VTI1A: variants seen among roughly 807,000 people sequenced by gnomAD.
VTI1A encodes the protein vesicle transport through interaction with t-SNAREs 1A, also known as vesicle transport through interaction with t-SNAREs homolog 1A.
In VTI1A, 22 loss-of-function variants were observed where a neutral mutation model predicts 34.9. The observed-to-expected ratio is 0.63, with a 90% CI of 0.45 to 0.90. VTI1A has a LOEUF of 0.90. Among genes scored for constraint, VTI1A ranks in the 40% least tolerant of loss-of-function variants. The pLI, the probability that VTI1A is intolerant of heterozygous loss-of-function variation, is 0.00. For synonymous variants in VTI1A, 87 were observed against 97.3 expected, an observed-to-expected ratio of 0.89 and a Z score of 0.62; for missense variants, 268 against 275.6, an observed-to-expected ratio of 0.97 and a Z score of 0.20.
the VTI1A span, among the ~76,000 whole-genome samples, chr10:112,848,446 C>G: frequency 6.6e-6 from 1 of 152,214 alleles, no homozygotes; most frequent in Non-Finnish European, 1.5e-5. Context: ...GACACAGTCC[C>G]TGGCAAATGA....
intron 3 of VTI1A, among the ~76,000 whole-genome samples, chr10:112,483,350 A>G (rs867364431): frequency 6.6e-6 from 1 of 152,202 alleles, no homozygotes. Context: ...TTGCACGACA[A>G]TGAATATTAA....
chr10:112,741,565 T>C (rs1354460507), intron 7 of VTI1A, among the ~76,000 whole-genome samples: 1 of 152,218 alleles, frequency 6.6e-6, no homozygotes, highest in Non-Finnish European at 1.5e-5. Flanking sequence ...TCTTAAATTT[T>C]ACCCTTTAAA....
At chr10:112,770,487 C>G (rs1260967086) in intron 7 of VTI1A, among the ~76,000 whole-genome samples, 4 of 151,790 alleles carry the variant, frequency 2.6e-5, no homozygotes, top group Non-Finnish European at 4.4e-5. Context: ...GCTCCGCCTC[C>G]CAGGTTCACG....
intron 7 of VTI1A, among the ~76,000 whole-genome samples, chr10:112,771,474 G>A (rs1042169734): frequency 6.6e-5 from 10 of 152,244 alleles, no homozygotes; most frequent in Non-Finnish European, 1.2e-4. Flanking sequence ...CAGCAAAACA[G>A]CTGTGCAAGA....
chr10:112,701,389 G>A lies in VTI1A; in HGVS notation c.560+32391G>A, dbSNP rs550677290. Among the ~76,000 whole-genome samples, 9 of 152,256 alleles carry A rather than the reference G, an allele frequency of 5.9e-5. No individual in the cohort carries two copies. In the South Asian group the frequency reaches 1.9e-3, roughly 32 times the overall value. On this transcript the variant is annotated intron_variant, in intron 7 of 7. Transcript: ENST00000393077. ...AAGATCCCAGAGGGAAATTTAGGGG[G>A]GCTCTTCATTCTGTTTTGTCCTGAA... is the stretch of plus-strand genomic sequence containing the variant.
chr10:112,454,072 A>G (rs1245531803), intron 1 of VTI1A, among the ~76,000 whole-genome samples: 2 of 152,222 alleles, frequency 1.3e-5, no homozygotes, highest in Admixed American at 1.3e-4. Context: ...ATACCATGTT[A>G]CACAGGGTAG....
chr10:112,774,076 G>T (rs534160084), intron 7 of VTI1A, among the ~76,000 whole-genome samples: 1 of 152,202 alleles, frequency 6.6e-6, no homozygotes, highest in South Asian at 2.1e-4. Context: ...TAGCTGCAGC[G>T]CAGGACACCT....
At chr10:112,624,185 A>G (rs1845834280) in intron 5 of VTI1A, among the ~76,000 whole-genome samples, 1 of 152,122 alleles carries the variant, frequency 6.6e-6, no homozygotes, top group South Asian at 2.1e-4. Context: ...GAGGCATCCC[A>G]TTTCTTTCAT....
At chr10:112,846,765 C>CAAAAAA in the VTI1A span, among the ~76,000 whole-genome samples, 1 of 60,624 alleles carries the variant, frequency 1.6e-5, no homozygotes. Context: ...GACTCCGTCT[C>CAAAAAA]AAAAAAAAAA....
intron 7 of VTI1A, among the ~76,000 whole-genome samples, chr10:112,804,020 C>G (rs1229312021): frequency 6.6e-6 from 1 of 152,158 alleles, no homozygotes; most frequent in Non-Finnish European, 1.5e-5. Flanking sequence ...TGGCAGTGGC[C>G]GTGGTGCCCA....
rs7907352 is a variant in VTI1A at position 112,708,359 on chromosome 10, G to A, written c.560+39361G>A. Among the ~76,000 whole-genome samples the A allele has an allele frequency of 9.5e-3, 1,453 of 152,254 alleles. 24 individuals are homozygous for A. The highest frequency in any genetic ancestry group is 0.033 in the African/African-American group (1,365 of 41,538). On this transcript the variant is annotated intron_variant, in intron 7 of 7. Transcript: ENST00000393077. Reference sequence around the variant, plus strand: ...TACATGGGCATATTTATATAAACAGGGTTACAGGTCTGTGTAAAGAAGTTA... The same window carrying A: ...TACATGGGCATATTTATATAAACAGAGTTACAGGTCTGTGTAAAGAAGTTA...
At chr10:112,851,760 G>T in the VTI1A span, among the ~76,000 whole-genome samples, 1 of 152,276 alleles carries the variant, frequency 6.6e-6, no homozygotes, top group African/African-American at 2.4e-5. Flanking sequence ...TTGAACTTGA[G>T]AACTGTAGGG....
At chr10:112,674,366 G>T (rs572066420) in intron 7 of VTI1A, among the ~76,000 whole-genome samples, 17 of 152,150 alleles carry the variant, frequency 1.1e-4, no homozygotes, top group Non-Finnish European at 1.8e-4. Context: ...GCTACAAAGA[G>T]AATTTTTAAA....
chr10:112,654,031 T>A (rs546367900), intron 5 of VTI1A, among the ~76,000 whole-genome samples: 1 of 152,316 alleles, frequency 6.6e-6, no homozygotes, highest in African/African-American at 2.4e-5. Flanking sequence ...TTAGAAACAA[T>A]GGTAGCTTTG....
intron 5 of VTI1A, among the ~76,000 whole-genome samples, chr10:112,595,579 C>T (rs1844602240): frequency 1.3e-5 from 2 of 152,094 alleles, no homozygotes; most frequent in African/African-American, 4.8e-5. Flanking sequence ...TATCACTGGC[C>T]ATCAGAGAAA....
At chr10:112,525,689 A>G (rs1850198695) in intron 3 of VTI1A, among the ~76,000 whole-genome samples, 1 of 152,198 alleles carries the variant, frequency 6.6e-6, no homozygotes, top group Non-Finnish European at 1.5e-5. Flanking sequence ...TCCTTGGGAG[A>G]ATTGATAAAC....
chr10:112,607,163 T>C (rs1317655266), intron 5 of VTI1A, among the ~76,000 whole-genome samples: 1 of 152,000 alleles, frequency 6.6e-6, no homozygotes, highest in East Asian at 1.9e-4. Context: ...GGTGGGCACC[T>C]GTAATCCCAA....
chr10:112,850,378 G>A, the VTI1A span, among the ~76,000 whole-genome samples: 1 of 147,276 alleles, frequency 6.8e-6, no homozygotes, highest in Non-Finnish European at 1.5e-5. Context: ...AAAAGAAACA[G>A]CCTGAAGCTC....
intron 3 of VTI1A, among the ~76,000 whole-genome samples, chr10:112,491,861 G>A (rs774146266): frequency 5.3e-5 from 8 of 152,138 alleles, no homozygotes; most frequent in Non-Finnish European, 8.8e-5. Flanking sequence ...GGAGCCTGTT[G>A]GGCATAAAAA....
Sources: gnomAD v4.1 joint callset for allele counts (sites outside exome capture counted in the v4.1 genomes callset) on GRCh38, gnomAD v4.1.1 for gene constraint, MANE v1.5 for transcripts, NCBI Gene and HGNC (gene_info 2026-07-23, HGNC 2026-07-21) for gene names.